Variants in PTK2 observed in about 807,000 individuals in gnomAD.
PTK2 encodes protein tyrosine kinase 2.
Under a neutral mutation model 150.1 loss-of-function variants are expected in PTK2, and 45 were observed. The ratio of observed to expected loss-of-function variants is 0.30; its 90% CI spans 0.24 to 0.38. The LOEUF (loss-of-function observed/expected upper bound fraction) is 0.38, where lower values mean the gene tolerates loss of function less well. PTK2 is among the 10% of genes least tolerant of loss of function. PTK2 has a pLI of 1.00. For synonymous variants in PTK2, 432 were observed against 449.2 expected (o/e 0.96, Z 0.48); for missense variants, 919 against 1,307.3 (o/e 0.70, Z 4.58).
At position 140,674,220 on chromosome 8, in the gene PTK2, C is replaced by T. The variant is rs753452782; in HGVS notation, c.2709+78G>A. 5.4e-5 allele frequency: 74 copies of T among 1,365,004 alleles called. No homozygotes were observed. In the African/African-American group the frequency reaches 1.0e-3, roughly 18 times the overall value. The allele number at this position is 1,365,004 out of a possible 1,614,324, so 84.6% of individuals were successfully genotyped here. ...TTTCAGCACCAACTCCACTCTATGA[C>T]ATGAACACATCAACTGAGAACTAGG... is the stretch of plus-strand genomic sequence containing the variant. On this transcript the variant is annotated intron_variant, in intron 29 of 31. Transcript: ENST00000522684.
intron 22 of PTK2, among the ~76,000 whole-genome samples, chr8:140,733,583 A>C (rs2100050810): frequency 6.6e-6 from 1 of 152,182 alleles, no homozygotes; most frequent in African/African-American, 2.4e-5. Context: ...CTGAGGAAAG[A>C]TCAAGGAGGA....
chr8:140,981,825 A>C (rs1374013402), intron 1 of PTK2, among the ~76,000 whole-genome samples: 2 of 152,158 alleles, frequency 1.3e-5, no homozygotes, highest in Non-Finnish European at 2.9e-5. Context: ...CCCTTCACGA[A>C]GAAAGTCTGC....
chr8:140,946,987 T>C (rs911422541), intron 1 of PTK2, among the ~76,000 whole-genome samples: 3 of 152,242 alleles, frequency 2.0e-5, no homozygotes, highest in African/African-American at 7.2e-5. Flanking sequence ...GTCCATTTCA[T>C]GATTCAATAC....
At chr8:140,660,821 T>A (rs1453519545) in intron 31 of PTK2, among the ~76,000 whole-genome samples, 1 of 152,238 alleles carries the variant, frequency 6.6e-6, no homozygotes, top group East Asian at 1.9e-4. Context: ...ATGCTTTGCA[T>A]GGGAGAGTCT....
chr8:140,903,378 C>T (rs1009493773), intron 2 of PTK2, among the ~76,000 whole-genome samples: 4 of 152,026 alleles, frequency 2.6e-5, no homozygotes, highest in Non-Finnish European at 5.9e-5. Flanking sequence ...GTTTTGGTAC[C>T]ACTGCCATGC....
At chr8:140,805,706 G>A (rs2100097794) in intron 10 of PTK2, among the ~76,000 whole-genome samples, 1 of 151,914 alleles carries the variant, frequency 6.6e-6, no homozygotes, top group Non-Finnish European at 1.5e-5. Context: ...GAATTCATGT[G>A]TTTACTTCCC....
intron 1 of PTK2, among the ~76,000 whole-genome samples, chr8:140,941,708 T>G (rs996159948): frequency 6.6e-6 from 1 of 151,860 alleles, no homozygotes; most frequent in African/African-American, 2.4e-5. Flanking sequence ...AATGAGCAAC[T>G]CTATTTTTTT....
At chr8:140,691,139 A>C (rs1373797886) in intron 26 of PTK2, among the ~76,000 whole-genome samples, 2 of 150,066 alleles carry the variant, frequency 1.3e-5, no homozygotes, top group Non-Finnish European at 3.0e-5. Context: ...TCTTTGACTA[A>C]GTCCCTGATT....
rs2100167603 is a variant in PTK2 at position 140,921,907 on chromosome 8, C to T, written c.-33+3754G>A. 2.6e-5 allele frequency among the ~76,000 whole-genome samples: 4 copies of T among 152,166 alleles called. No homozygotes were observed. In the South Asian group the frequency reaches 8.3e-4, roughly 32 times the overall value. On this transcript the variant is annotated intron_variant, in intron 2 of 31. Transcript: ENST00000522684. ...AAAAATTTAGCTGTCTGAACACATT[C>T]CACTTTAGCAGTAAGATAATTAGTA...
intron 1 of PTK2, among the ~76,000 whole-genome samples, chr8:140,996,416 A>G (rs921979334): frequency 8.5e-5 from 13 of 152,262 alleles, no homozygotes; most frequent in African/African-American, 3.1e-4. Flanking sequence ...AGGTGGCTAC[A>G]CTAAACACAT....
At chr8:140,834,257 T>G (rs1010264862) in intron 7 of PTK2, among the ~76,000 whole-genome samples, 3 of 152,134 alleles carry the variant, frequency 2.0e-5, no homozygotes, top group African/African-American at 7.2e-5. Context: ...GCATGAGCAC[T>G]GGGAATAGGT....
chr8:140,903,556 T>C (rs1482160659), intron 2 of PTK2, among the ~76,000 whole-genome samples: 1 of 152,188 alleles, frequency 6.6e-6, no homozygotes, highest in Non-Finnish European at 1.5e-5. Context: ...AATGGGAGCT[T>C]CATGGGGACA....
intron 23 of PTK2, among the ~76,000 whole-genome samples, chr8:140,715,784 A>T (rs540399312): frequency 1.9e-3 from 154 of 83,150 alleles, no homozygotes; most frequent in African/African-American, 4.0e-3. Context: ...AATATCTTTT[A>T]AAAAAAAAAG....
intron 7 of PTK2, among the ~76,000 whole-genome samples, chr8:140,833,843 A>C (rs1009326730): frequency 2.6e-5 from 4 of 152,136 alleles, no homozygotes; most frequent in African/African-American, 7.2e-5. Context: ...GCCAAACCCC[A>C]ATTCCCAAAC....
chr8:140,711,604 T>C (rs1281901007), intron 23 of PTK2, among the ~76,000 whole-genome samples: 1 of 152,220 alleles, frequency 6.6e-6, no homozygotes, highest in Non-Finnish European at 1.5e-5. Flanking sequence ...AATTTTATTT[T>C]GTTTCATTTA....
chr8:140,971,154 C>T (rs1167491364), intron 1 of PTK2, among the ~76,000 whole-genome samples: 2 of 152,076 alleles, frequency 1.3e-5, no homozygotes, highest in Non-Finnish European at 2.9e-5. Context: ...TGAGAAAACA[C>T]TAATTTAGTA....
At chr8:140,977,208 A>G (rs1171995513) in intron 1 of PTK2, among the ~76,000 whole-genome samples, 3 of 152,170 alleles carry the variant, frequency 2.0e-5, no homozygotes, top group Non-Finnish European at 2.9e-5. Flanking sequence ...TTGGCAACAT[A>G]GTGGGACCCT....
intron 14 of PTK2, among the ~76,000 whole-genome samples, chr8:140,784,825 T>C (rs2100083977): frequency 6.6e-6 from 1 of 152,238 alleles, no homozygotes; most frequent in African/African-American, 2.4e-5. Flanking sequence ...CTTACACTTA[T>C]TTTTGTAGAG....
intron 14 of PTK2, among the ~76,000 whole-genome samples, chr8:140,787,022 A>C (rs2100085365): frequency 6.6e-6 from 1 of 152,050 alleles, no homozygotes; most frequent in Admixed American, 6.6e-5. Flanking sequence ...AGATAATGAA[A>C]GGTCTTGGAG....
Sources: gnomAD v4.1 joint callset for allele counts (sites outside exome capture counted in the v4.1 genomes callset) on GRCh38, gnomAD v4.1.1 for gene constraint, MANE v1.5 for transcripts, NCBI Gene and HGNC (gene_info 2026-07-23, HGNC 2026-07-21) for gene names.